The following ANKS1B variants were observed in gnomAD, a reference collection of about 807,000 sequenced individuals.
The protein encoded by ANKS1B is ankyrin repeat and sterile alpha motif domain containing 1B.
ANKS1B carries 36 observed loss-of-function variants against 148.3 expected under a neutral mutation model. The observed-to-expected ratio is 0.24, with a 90% CI of 0.19 to 0.32. The LOEUF (loss-of-function observed/expected upper bound fraction) is 0.32. Among genes scored for constraint, ANKS1B ranks in the 10% least tolerant of loss-of-function variants. ANKS1B has a pLI of 1.00. For missense variants in ANKS1B, 1,157 were observed against 1,542.6 expected, an observed-to-expected ratio of 0.75 and a Z score of 4.19; for synonymous variants, 542 against 560.8, an observed-to-expected ratio of 0.97 and a Z score of 0.47.
chr12:99,392,850 C>T (rs1453016339), intron 12 of ANKS1B, among the ~76,000 whole-genome samples: 1 of 148,390 alleles, frequency 6.7e-6, no homozygotes, highest in East Asian at 2.1e-4. Context: ...CCCTCCCTCA[C>T]TGAAAAAAAA....
intron 12 of ANKS1B, among the ~76,000 whole-genome samples, chr12:99,333,832 A>G (rs950819930): frequency 2.7e-5 from 4 of 146,102 alleles, no homozygotes; most frequent in African/African-American, 1.1e-4. Flanking sequence ...TAGGGAGATC[A>G]AAGTCACATT....
intron 12 of ANKS1B, among the ~76,000 whole-genome samples, chr12:99,275,320 C>T (rs2077540902): frequency 6.6e-6 from 1 of 151,978 alleles, no homozygotes; most frequent in African/African-American, 2.4e-5. Flanking sequence ...CTTTTTGTAC[C>T]TATTAACCAC....
chr12:99,564,175 GT>G (rs1192477383), intron 9 of ANKS1B, among the ~76,000 whole-genome samples: 1 of 152,026 alleles, frequency 6.6e-6, no homozygotes, highest in Non-Finnish European at 1.5e-5. Flanking sequence ...ATGTGAAATT[GT>G]TGAGCTCACA....
intron 14 of ANKS1B, among the ~76,000 whole-genome samples, chr12:99,178,040 C>A (rs1308067825): frequency 6.6e-6 from 1 of 152,142 alleles, no homozygotes; most frequent in African/African-American, 2.4e-5. Context: ...TGGCTTTATG[C>A]AGTGTTTTTC....
At chr12:99,473,618 T>C (rs1391821362) in intron 10 of ANKS1B, among the ~76,000 whole-genome samples, 2 of 152,096 alleles carry the variant, frequency 1.3e-5, no homozygotes, top group African/African-American at 2.4e-5. Flanking sequence ...TCTTGTTTTC[T>C]GTCTTTCTAG....
chr12:99,071,659 G>GT (rs1298267733), intron 16 of ANKS1B, among the ~76,000 whole-genome samples: 1 of 122,204 alleles, frequency 8.2e-6, no homozygotes, highest in African/African-American at 3.0e-5. Flanking sequence ...TTTTTTTTTT[G>GT]TTTTTTGAGA....
chr12:99,202,236 T>C (rs1166907306), intron 14 of ANKS1B, among the ~76,000 whole-genome samples: 3 of 152,202 alleles, frequency 2.0e-5, no homozygotes, highest in African/African-American at 4.8e-5. Context: ...ACTGGATACA[T>C]CAGCTAATAA....
At chr12:98,776,099 C>G (rs2098671229) in intron 24 of ANKS1B, among the ~76,000 whole-genome samples, 1 of 152,232 alleles carries the variant, frequency 6.6e-6, no homozygotes, top group Non-Finnish European at 1.5e-5. Flanking sequence ...TACTGAAATA[C>G]TGCCATCACT....
chr12:98,769,480 A>G (rs1480338029), intron 25 of ANKS1B, among the ~76,000 whole-genome samples: 1 of 152,178 alleles, frequency 6.6e-6, no homozygotes, highest in Non-Finnish European at 1.5e-5. Flanking sequence ...TGAGAATCCT[A>G]AGCTAGTAAT....
At position 98,829,050 on chromosome 12, in the gene ANKS1B, G is replaced by A. The variant is rs2099273683; in HGVS notation, c.3066+124C>T. The A allele has an allele frequency of 4.5e-6, 5 of 1,111,382 alleles. No homozygotes were observed. The Admixed American group carries it at 8.3e-5, about 18-fold the overall frequency. The allele number at this position is 1,111,382 out of a possible 1,614,324, so 68.8% of individuals were successfully genotyped here. On this transcript the variant is annotated intron_variant, in intron 19 of 26. Transcript: ENST00000683438. The surrounding 1 kb of genome is among the most constrained non-coding windows in gnomAD (Gnocchi z 5.2). ...AGATGAGCAAGGAATGAAAGGCGGG[G>A]CATAACATGGTATAAATTCTAGTTA...
intron 1 of ANKS1B, among the ~76,000 whole-genome samples, chr12:99,831,577 C>A (rs1052609462): frequency 6.6e-6 from 1 of 152,128 alleles, no homozygotes; most frequent in African/African-American, 2.4e-5. Flanking sequence ...TCTCTCTTTG[C>A]TCTTGTCAGC....
At chr12:99,497,067 A>G (rs1041107539) in intron 10 of ANKS1B, among the ~76,000 whole-genome samples, 1 of 152,222 alleles carries the variant, frequency 6.6e-6, no homozygotes, top group Non-Finnish European at 1.5e-5. Context: ...ATTGGTTCCC[A>G]GACTCCCTGT....
chr12:99,891,114 A>G (rs1313621387), intron 1 of ANKS1B, among the ~76,000 whole-genome samples: 1 of 152,218 alleles, frequency 6.6e-6, no homozygotes, highest in Non-Finnish European at 1.5e-5. Context: ...GCGTGCATCA[A>G]TAGATCACTC....
chr12:98,836,988 T>C (rs1379423105), intron 17 of ANKS1B, among the ~76,000 whole-genome samples: 1 of 152,158 alleles, frequency 6.6e-6, no homozygotes, highest in South Asian at 2.1e-4. Flanking sequence ...AAAATTATTA[T>C]ACACATAAGC....
At chr12:99,232,254 A>T (rs1481746784) in intron 14 of ANKS1B, among the ~76,000 whole-genome samples, 9 of 152,224 alleles carry the variant, frequency 5.9e-5, no homozygotes, top group Non-Finnish European at 1.3e-4. Flanking sequence ...GATGGCATTT[A>T]TATATTGACA....
At chr12:99,015,633 G>A (rs1052941603) in intron 17 of ANKS1B, among the ~76,000 whole-genome samples, 4 of 152,164 alleles carry the variant, frequency 2.6e-5, no homozygotes, top group Admixed American at 1.3e-4. Flanking sequence ...TTGAGAGGCC[G>A]AGGTGGGCGG....
At chr12:98,895,316 C>A (rs1190003021) in intron 17 of ANKS1B, 5 of 985,180 alleles carry the variant, frequency 5.1e-6, no homozygotes, top group Non-Finnish European at 6.0e-6. Flanking sequence ...TCCGCCGCCC[C>A]CTCCGCGCAC....
At chr12:99,190,507 G>A (rs2080515471) in intron 14 of ANKS1B, among the ~76,000 whole-genome samples, 1 of 152,074 alleles carries the variant, frequency 6.6e-6, no homozygotes. Flanking sequence ...ACAGAGCAAT[G>A]GAACAGAACA....
chr12:99,668,035 G>T (rs1397677650), intron 8 of ANKS1B, among the ~76,000 whole-genome samples: 2 of 152,052 alleles, frequency 1.3e-5, no homozygotes, highest in African/African-American at 4.8e-5. Flanking sequence ...TCACAGTAAT[G>T]CTGACTTCAT....
Sources: allele counts gnomAD v4.1 joint callset (sites outside exome capture counted in the v4.1 genomes callset), GRCh38; gene constraint gnomAD v4.1.1; non-coding constraint Gnocchi (gnomAD v3.1); transcripts MANE v1.5; gene names NCBI Gene and HGNC (gene_info 2026-07-23, HGNC 2026-07-21).